Variants in PDE1A observed in about 807,000 individuals in gnomAD.
PDE1A encodes dual specificity calcium/calmodulin-dependent 3',5'-cyclic nucleotide phosphodiesterase 1A.
PDE1A carries 35 observed loss-of-function variants against 61.7 expected under a neutral mutation model. That is an observed-to-expected ratio of 0.57 (90% CI 0.43 to 0.75). PDE1A has a LOEUF of 0.75. Among genes scored for constraint, PDE1A ranks in the 30% least tolerant of loss-of-function variants. The pLI, the probability that PDE1A is intolerant of heterozygous loss-of-function variation, is 0.00. For synonymous variants in PDE1A, 232 were observed against 213.2 expected (o/e 1.09, Z -0.77); for missense variants, 597 against 630.6 (o/e 0.95, Z 0.57).
chr2:182,181,945 AT>A (rs1422298991), intron 13 of PDE1A, among the ~76,000 whole-genome samples: 2 of 152,202 alleles, frequency 1.3e-5, no homozygotes, highest in Non-Finnish European at 2.9e-5. Context: ...TCCTGTGGTG[AT>A]TAGTTAAATT....
intron 2 of PDE1A, among the ~76,000 whole-genome samples, chr2:182,262,117 T>C (rs1692255661): frequency 2.7e-5 from 4 of 149,242 alleles, no homozygotes; most frequent in African/African-American, 9.7e-5. Flanking sequence ...AGAAAATAAT[T>C]TCTTTCTTTC....
At chr2:182,531,391 T>A in the PDE1A span, among the ~76,000 whole-genome samples, 22 of 108,040 alleles carry the variant, frequency 2.0e-4, no homozygotes, top group Admixed American at 3.7e-4. Context: ...AAAAAAAAAA[T>A]ACCATAATAA....
chr2:182,367,382 T>C (rs958552079), intron 1 of PDE1A, among the ~76,000 whole-genome samples: 1 of 152,078 alleles, frequency 6.6e-6, no homozygotes, highest in Non-Finnish European at 1.5e-5. Context: ...TCAGTAAATT[T>C]GCTCACATGA....
At chr2:182,377,639 C>T (rs1270110214) in intron 1 of PDE1A, among the ~76,000 whole-genome samples, 1 of 152,118 alleles carries the variant, frequency 6.6e-6, no homozygotes, top group Non-Finnish European at 1.5e-5. Context: ...TTTCATAAAG[C>T]TAATTACACA....
chr2:182,453,231 T>G (rs549345861), intron 2 of PDE1A, among the ~76,000 whole-genome samples: 1 of 152,010 alleles, frequency 6.6e-6, no homozygotes, highest in South Asian at 2.1e-4. Flanking sequence ...TTCCTTTGTT[T>G]CGGCACTATC....
At chr2:182,258,116 C>T (rs954565525) in intron 2 of PDE1A, among the ~76,000 whole-genome samples, 2 of 150,476 alleles carry the variant, frequency 1.3e-5, no homozygotes, top group East Asian at 3.9e-4. Flanking sequence ...TGCAGTGAGC[C>T]GAGATTGTGC....
At chr2:182,621,026 T>G in the PDE1A span, among the ~76,000 whole-genome samples, 1 of 152,160 alleles carries the variant, frequency 6.6e-6, no homozygotes, top group Non-Finnish European at 1.5e-5. Flanking sequence ...GTTCATCTAC[T>G]CCCTGGATAT....
intron 1 of PDE1A, among the ~76,000 whole-genome samples, chr2:182,328,001 G>A (rs1030884408): frequency 7.2e-5 from 11 of 152,188 alleles, no homozygotes; most frequent in African/African-American, 2.7e-4. Flanking sequence ...GCTCTTCTAC[G>A]TTTATAGGAA....
the PDE1A span, among the ~76,000 whole-genome samples, chr2:182,613,403 A>C: frequency 6.6e-6 from 1 of 152,048 alleles, no homozygotes; most frequent in Non-Finnish European, 1.5e-5. Context: ...TCTACTAAAA[A>C]TACAAAAAAA....
At chr2:182,342,500 G>A (rs1355999673) in intron 1 of PDE1A, among the ~76,000 whole-genome samples, 5 of 152,124 alleles carry the variant, frequency 3.3e-5, no homozygotes, top group Admixed American at 6.5e-5. Flanking sequence ...TGGCTAACAC[G>A]GTGAAACCTC....
chr2:182,678,287 G>A, the PDE1A span, among the ~76,000 whole-genome samples: 1 of 152,168 alleles, frequency 6.6e-6, no homozygotes, highest in Admixed American at 6.5e-5. Context: ...GCCAGGCATG[G>A]TGGTGGGCGC....
chr2:182,558,344 A>C, the PDE1A span, among the ~76,000 whole-genome samples: 20 of 152,222 alleles, frequency 1.3e-4, no homozygotes, highest in African/African-American at 4.8e-4. Context: ...TGTCATAAAA[A>C]ATAAGTTGAT....
At chr2:182,204,991 C>CT (rs1686979772) in intron 8 of PDE1A, among the ~76,000 whole-genome samples, 1 of 152,118 alleles carries the variant, frequency 6.6e-6, no homozygotes, top group Non-Finnish European at 1.5e-5. Flanking sequence ...ATTTTAAACT[C>CT]TGATTTTTAT....
chr2:182,305,675 C>A (rs1385741791), intron 1 of PDE1A, among the ~76,000 whole-genome samples: 1 of 151,508 alleles, frequency 6.6e-6, no homozygotes, highest in South Asian at 2.1e-4. Flanking sequence ...AAAATTTATT[C>A]TCTAATGATA....
At chr2:182,474,222 G>C (rs895788623) in intron 2 of PDE1A, among the ~76,000 whole-genome samples, 18 of 151,886 alleles carry the variant, frequency 1.2e-4, no homozygotes, top group Admixed American at 7.2e-4. Context: ...CTTGGGTCTA[G>C]GTATTTTACT....
At chr2:182,559,869 A>C in the PDE1A span, among the ~76,000 whole-genome samples, 1 of 152,180 alleles carries the variant, frequency 6.6e-6, no homozygotes, top group East Asian at 1.9e-4. Context: ...CAGTTACAAA[A>C]GAATGCTTTG....
the PDE1A span, among the ~76,000 whole-genome samples, chr2:182,555,400 A>T: frequency 6.6e-6 from 1 of 151,842 alleles, no homozygotes; most frequent in African/African-American, 2.4e-5. Flanking sequence ...TGTGGATGCC[A>T]CCTGCCATAA....
chr2:182,527,647 C>T (rs920730445), upstream of PDE1A, among the ~76,000 whole-genome samples: 22 of 151,754 alleles, frequency 1.4e-4, no homozygotes, highest in East Asian at 1.9e-4. Flanking sequence ...ATAACTTAGA[C>T]GTCAAGAAAG....
At chr2:182,649,146 G>C in the PDE1A span, among the ~76,000 whole-genome samples, 1 of 152,168 alleles carries the variant, frequency 6.6e-6, no homozygotes, top group Non-Finnish European at 1.5e-5. Flanking sequence ...AATGAGATGT[G>C]AGTTAGTTGA....
Sources: allele counts gnomAD v4.1 joint callset (sites outside exome capture counted in the v4.1 genomes callset), GRCh38; gene constraint gnomAD v4.1.1; transcripts MANE v1.5; gene names NCBI Gene and HGNC (gene_info 2026-07-23, HGNC 2026-07-21).